The following NAF1 variants were observed in gnomAD, a reference collection of about 807,000 sequenced individuals.
NAF1 encodes the protein H/ACA ribonucleoprotein complex non-core subunit NAF1.
NAF1 carries 11 observed loss-of-function variants against 40.6 expected under a neutral mutation model. The ratio of observed to expected loss-of-function variants is 0.27; its 90% confidence interval spans 0.17 to 0.45. The LOEUF (loss-of-function observed/expected upper bound fraction) is 0.45. Among genes scored for constraint, NAF1 ranks in the 20% least tolerant of loss-of-function variants. NAF1 has a pLI of 1.00. For missense variants in NAF1, 607 were observed against 611.1 expected, an observed-to-expected ratio of 0.99 and a Z score of 0.07; for synonymous variants, 260 against 228.5, an observed-to-expected ratio of 1.14 and a Z score of -1.24.
chr4:163,145,950 AT>A (rs201421389), intron 3 of NAF1, 86 bp from the exon 4 acceptor site: 466 of 733,904 alleles, frequency 6.3e-4, no homozygotes, highest in Non-Finnish European at 7.3e-4. Context: ...TTCCAACATA[AT>A]TTAAAAAAAA....
At chr4:163,122,950 G>A (rs1579128795), downstream of NAF1, among the ~76,000 whole-genome samples, 1 of 152,206 alleles carries the variant, frequency 6.6e-6, no homozygotes. Context: ...CCTTTGGTAA[G>A]TTATGAAACT....
At chr4:163,123,677 C>T (rs1730576507), downstream of NAF1, among the ~76,000 whole-genome samples, 3 of 152,154 alleles carry the variant, frequency 2.0e-5, 1 homozygote, top group South Asian at 4.1e-4. Flanking sequence ...ACCACCCTAC[C>T]CGGCCTACAG....
chr4:163,166,091 A>G (rs1396436934), intron 1 of NAF1, among the ~76,000 whole-genome samples: 1 of 152,198 alleles, frequency 6.6e-6, no homozygotes, highest in African/African-American at 2.4e-5. Flanking sequence ...AAAGTCTAAC[A>G]AAAAATGATA....
chr4:163,135,836 T>A (rs1302342311), intron 6 of NAF1: 1 of 152,144 alleles, frequency 6.6e-6, no homozygotes, highest in Non-Finnish European at 1.5e-5. Flanking sequence ...AAAAGAAATA[T>A]GATTTGAGAT....
intron 4 of NAF1, among the ~76,000 whole-genome samples, chr4:163,145,498 G>A (rs1731427058): frequency 6.6e-6 from 1 of 152,194 alleles, no homozygotes; most frequent in African/African-American, 2.4e-5. Flanking sequence ...GATGTGTTAT[G>A]CATTACGTAG....
intron 1 of NAF1, 119 bp downstream of exon 1, chr4:163,166,244 C>T: frequency 1.5e-6 from 2 of 1,309,250 alleles, no homozygotes; most frequent in South Asian, 3.1e-5. Flanking sequence ...CCCGGAGCAC[C>T]AACGACCTGC....
At chr4:163,142,864 C>T (rs1474451637) in intron 4 of NAF1, among the ~76,000 whole-genome samples, 7 of 152,186 alleles carry the variant, frequency 4.6e-5, no homozygotes, top group African/African-American at 1.7e-4. Context: ...CAGCAAGGCT[C>T]AGGCCGGCCC....
At chr4:163,117,400 T>A (rs1167449547) in intron 2 of NAF1, 2 of 152,188 alleles carry the variant, frequency 1.3e-5, no homozygotes, top group East Asian at 1.9e-4. Context: ...AATAAATGAA[T>A]ATATTAAATT....
At chr4:163,136,342 A>G in intron 6 of NAF1, 1 of 139,530 alleles carries the variant, frequency 7.2e-6, no homozygotes, top group African/African-American at 2.7e-5. Flanking sequence ...AAAAAAAAAA[A>G]AAACAAAAAA....
At chr4:163,124,922 T>C (rs1730610611), downstream of NAF1, among the ~76,000 whole-genome samples, 1 of 152,232 alleles carries the variant, frequency 6.6e-6, no homozygotes, top group South Asian at 2.1e-4. Context: ...CAACAGCATA[T>C]GCTCACTTCA....
chr4:163,117,680 TACACACACACACAC>T lies in NAF1; in HGVS notation c.115-7404_115-7391del, dbSNP rs55869899. ...TTATTTTTAAACTCCCTGGAAGCAA[TACACACACACACAC>T]ACACACACACACACACACACACACG... On this transcript the variant is annotated intron_variant, in intron 2 of 2. Transcript: ENST00000509434. Among the ~76,000 whole-genome samples, 12 of 134,850 alleles carry T rather than the reference TACACACACACACAC, an allele frequency of 8.9e-5. No individual in the cohort carries two copies. The South Asian group carries it at 2.3e-3, about 25-fold the overall frequency. The allele number at this position is 134,850 out of a possible 152,430, so 88.5% of individuals were successfully genotyped here.
intron 4 of NAF1, 148 bp downstream of exon 4, chr4:163,145,634 A>G: frequency 5.0e-6 from 3 of 598,428 alleles, no homozygotes; most frequent in Non-Finnish European, 8.8e-6. Flanking sequence ...ATGAAGTACT[A>G]AAGGAAATCA....
At chr4:163,124,264 G>T (rs59697411), downstream of NAF1, among the ~76,000 whole-genome samples, 2 of 152,140 alleles carry the variant, frequency 1.3e-5, no homozygotes, top group South Asian at 4.1e-4. Flanking sequence ...TTTAGTGTCC[G>T]GTGATGGTTG....
chr4:163,138,022 T>C (rs2110921283), intron 5 of NAF1, among the ~76,000 whole-genome samples: 1 of 152,294 alleles, frequency 6.6e-6, no homozygotes, highest in Middle Eastern at 3.4e-3. Context: ...AATTTCATAG[T>C]TTCAGCTACT....
At chr4:163,117,646 C>A (rs1579121114) in intron 2 of NAF1, 1 of 53,850 alleles carries the variant, frequency 1.9e-5, no homozygotes, top group Non-Finnish European at 3.8e-5. Context: ...GATACTAAGT[C>A]TTCTCTTATT....
chr4:163,149,650 T>G (rs1471590868), intron 2 of NAF1, among the ~76,000 whole-genome samples: 1 of 152,162 alleles, frequency 6.6e-6, no homozygotes. Context: ...TTCTTATGAG[T>G]ACTTTCAAAG....
chr4:163,128,603 T>C (rs1246015222), downstream of NAF1: 1 of 413,772 alleles, frequency 2.4e-6, no homozygotes, highest in African/African-American at 2.2e-5. Flanking sequence ...CCCATATCCA[T>C]TACTATATAT....
At chr4:163,106,676 A>C (rs548529467), downstream of NAF1, among the ~76,000 whole-genome samples, 7 of 152,310 alleles carry the variant, frequency 4.6e-5, no homozygotes, top group Non-Finnish European at 7.4e-5. Flanking sequence ...AAATGGAATA[A>C]TTTATTTTAA....
chr4:163,109,434 T>C (rs376141641), downstream of NAF1, among the ~76,000 whole-genome samples: 1 of 152,166 alleles, frequency 6.6e-6, no homozygotes, highest in South Asian at 2.1e-4. Flanking sequence ...TTGTTATTTA[T>C]TCACTTTGGG....
Sources: gnomAD v4.1 joint callset for allele counts (sites outside exome capture counted in the v4.1 genomes callset) on GRCh38, gnomAD v4.1.1 for gene constraint, MANE v1.5 for transcripts, NCBI Gene and HGNC (gene_info 2026-07-23, HGNC 2026-07-21) for gene names.